Variants in PCDHGA3 observed in about 807,000 individuals in gnomAD.
PCDHGA3 encodes protocadherin gamma subfamily A, 3.
Under a neutral mutation model 58.5 loss-of-function variants are expected in PCDHGA3, and 40 were observed. The ratio of observed to expected loss-of-function variants is 0.68; its 90% CI spans 0.53 to 0.89. The LOEUF (loss-of-function observed/expected upper bound fraction) is 0.89. Ranked by LOEUF, PCDHGA3 falls within the 40% of genes least tolerant of loss-of-function variation. The pLI, the probability that PCDHGA3 is intolerant of heterozygous loss-of-function variation, is 0.00. For synonymous variants in PCDHGA3, 530 were observed against 525.7 expected, an observed-to-expected ratio of 1.01 and a Z score of -0.11; for missense variants, 1,223 against 1,195.9, an observed-to-expected ratio of 1.02 and a Z score of -0.33.
chr5:141,409,018 G>T lies in PCDHGA3; in HGVS notation c.2424+62561G>T, dbSNP rs369210340. The T allele has an allele frequency of 4.0e-5, 64 of 1,613,814 alleles. No individual in the cohort carries two copies. The Admixed American group carries it at 1.1e-3, about 27-fold the overall frequency. ...TGACAGCCACTGACCAGGATGAGGG[G>T]GTCAATGCTGAGATAAACTACTACT... On this transcript the variant is annotated intron_variant, in intron 1 of 3. Transcript: ENST00000253812.
chr5:141,369,151 T>C (rs1013865524), intron 1 of PCDHGA3, among the ~76,000 whole-genome samples: 6 of 152,206 alleles, frequency 3.9e-5, no homozygotes, highest in African/African-American at 1.4e-4. Context: ...GGCATGTTAT[T>C]GACCAGGGAA....
intron 1 of PCDHGA3, chr5:141,403,870 T>A: frequency 6.2e-7 from 1 of 1,613,498 alleles, no homozygotes; most frequent in African/African-American, 1.3e-5. Flanking sequence ...CAGCAAAAAG[T>A]CTAGATTATG....
intron 3 of PCDHGA3, among the ~76,000 whole-genome samples, chr5:141,509,045 GC>G (rs1165443091): frequency 6.6e-6 from 1 of 152,060 alleles, no homozygotes; most frequent in Non-Finnish European, 1.5e-5. Context: ...CCTCTCCCCC[GC>G]CCCCAGAAAG....
Position 141,476,160 on chromosome 5 carries a change from G to A in PCDHGA3, c.2425-18647G>A, listed in dbSNP as rs781765205. 4.3e-6 allele frequency: 7 copies of A among 1,612,858 alleles called. No homozygotes were observed. The highest frequency in any genetic ancestry group is 5.9e-6 in the Non-Finnish European group (7 of 1,179,926). On this transcript the variant is annotated intron_variant, in intron 1 of 3. Coordinates refer to ENST00000253812, the MANE Select transcript of PCDHGA3 (RefSeq NM_018916.4). This position sits in a 1 kb window ranked among gnomAD's most constrained non-coding sequence, Gnocchi z 7.6. ...AGGAGCGGACTGGTAAGCACCGGGA[G>A]GGTAGTGGGAGTTTTGCTTCTGCTT...
rs565801457 is a variant in PCDHGA3, at chr5:141,344,751, C to T, written c.718C>T (p.Pro240Ser). The T allele has an allele frequency of 1.2e-5, 19 of 1,613,902 alleles. No homozygotes were observed. The highest frequency in any genetic ancestry group is 1.6e-4 in the Middle Eastern group (1 of 6,084). ...VIVLDANDNP[P>S]MFTQPEYRVS... ...AGTCCTGGATGCAAATGACAACCCA[C>T]CAATGTTTACTCAGCCTGAGTACCG... The change falls in exon 1 of 4, where the codon CCA becomes TCA. Residue 240 changes from proline (P) to serine (S), a missense_variant. By Grantham distance (74) the Pro-to-Ser change is moderately conservative. Transcript: ENST00000253812.
rs61612330 is a variant in PCDHGA3, at chr5:141,454,796, A to ATTTTTTTTTTTTTTTTT, written c.2425-39998_2425-39982dup. Among the ~76,000 whole-genome samples the ATTTTTTTTTTTTTTTTT allele has an allele frequency of 1.9e-3, 147 of 77,454 alleles. 11 individuals carry two copies. Among genetic ancestry groups the ATTTTTTTTTTTTTTTTT allele is most frequent in the Middle Eastern group, 0.017 (2 of 120 alleles). 50.8% of individuals were successfully genotyped at this position (77,454 alleles called of 152,430 possible). ...AAGGAAATAATCCTCCATGGTTCTA[A>ATTTTTTTTTTTTTTTTT]TTTTTTTTTTTTTTTTTTTTTTTTT... On this transcript the variant is annotated intron_variant, in intron 1 of 3. Coordinates refer to ENST00000253812, the MANE Select transcript of PCDHGA3 (RefSeq NM_018916.4).
intron 1 of PCDHGA3, chr5:141,415,641 TAAA>T: frequency 7.8e-7 from 1 of 1,280,840 alleles, no homozygotes; most frequent in African/African-American, 1.5e-5. Context: ...TTACTTTTGT[TAAA>T]AAAAAAAAGA....
At chr5:141,404,580 G>C (rs769739876) in intron 1 of PCDHGA3, 2 of 1,613,866 alleles carry the variant, frequency 1.2e-6, no homozygotes, top group Non-Finnish European at 1.7e-6. Context: ...CCACCACTTA[G>C]CAGCAATGTG....
rs1055042563 is a variant in PCDHGA3, at chr5:141,512,805, C to G, written c.*1632C>G. On this transcript the variant is annotated 3_prime_UTR_variant, in exon 4 of 4. Coordinates refer to ENST00000253812, the MANE Select transcript of PCDHGA3 (RefSeq NM_018916.4). ...TGTTGTGTTTTGTGCTGTGTCCACG[C>G]GCTAAGGCGACCCCCTCCCCCGTAC... 3.0e-4 allele frequency: 46 copies of G among 152,378 alleles called. No individual in the cohort carries two copies. Among genetic ancestry groups the G allele is most frequent in the African/African-American group, 9.9e-4 (41 of 41,570 alleles). The allele number at this position is 152,378 out of a possible 1,614,324, so 9.4% of individuals were successfully genotyped here.
intron 1 of PCDHGA3, chr5:141,352,163 C>G (rs1758931128): frequency 6.2e-7 from 1 of 1,613,248 alleles, no homozygotes; most frequent in Non-Finnish European, 8.5e-7. Context: ...GGACGCGGCC[C>G]GCCAGCGCCT....
intron 1 of PCDHGA3, chr5:141,392,784 A>G: frequency 6.5e-7 from 1 of 1,546,632 alleles, no homozygotes. Context: ...CACAGTGAAG[A>G]TTCTGAGAGG....
intron 1 of PCDHGA3, among the ~76,000 whole-genome samples, chr5:141,401,496 C>T (rs909382274): frequency 6.6e-6 from 1 of 152,190 alleles, no homozygotes; most frequent in African/African-American, 2.4e-5. Context: ...GATGCAAAAT[C>T]CTTTTCCACC....
At chr5:141,364,583 G>A in intron 1 of PCDHGA3, 2 of 1,614,216 alleles carry the variant, frequency 1.2e-6, no homozygotes. Context: ...CGGCAGCTTG[G>A]TCACCGCGGG....
intron 1 of PCDHGA3, among the ~76,000 whole-genome samples, chr5:141,474,280 C>A (rs1490512371): frequency 6.6e-6 from 1 of 152,136 alleles, no homozygotes; most frequent in African/African-American, 2.4e-5. Context: ...CTCTGAATAA[C>A]CCACTAGATC....
chr5:141,370,314 T>A, intron 1 of PCDHGA3: 4 of 1,280,798 alleles, frequency 3.1e-6, no homozygotes, highest in Non-Finnish European at 4.3e-6. Context: ...AGCAAATAGT[T>A]GGTCCTGCTC....
intron 1 of PCDHGA3, among the ~76,000 whole-genome samples, chr5:141,459,880 C>G (rs1240703946): frequency 6.6e-6 from 1 of 152,134 alleles, no homozygotes; most frequent in Non-Finnish European, 1.5e-5. Context: ...TTTAACTGAG[C>G]TGAACGCCTT....
intron 1 of PCDHGA3, chr5:141,352,565 G>C (rs1190505525): frequency 6.2e-7 from 1 of 1,613,802 alleles, no homozygotes; most frequent in African/African-American, 1.3e-5. Flanking sequence ...CCTGACACCG[G>C]AAATGGCTCC....
intron 1 of PCDHGA3, among the ~76,000 whole-genome samples, chr5:141,433,697 CGTG>C (rs1176871032): frequency 6.6e-6 from 1 of 152,020 alleles, no homozygotes; most frequent in Non-Finnish European, 1.5e-5. Context: ...ATTAGCCGGG[CGTG>C]GTGGTGCATG....
rs2097542578 is a variant in PCDHGA3 at position 141,432,849 on chromosome 5, T to C, written c.2425-61958T>C. On this transcript the variant is annotated intron_variant, in intron 1 of 3. Coordinates refer to ENST00000253812, the MANE Select transcript of PCDHGA3 (RefSeq NM_018916.4). The surrounding 1 kb of genome is among the most constrained non-coding windows in gnomAD (Gnocchi z 6.0). ...CTCACTCTGTACCTGGTGGTAGCGG[T>C]GGCCGCGGTCTCCTGCGTCTTCCTG... 2 of 1,614,076 alleles carry C rather than the reference T, an allele frequency of 1.2e-6. No individual in the cohort carries two copies. Among genetic ancestry groups the C allele is most frequent in the South Asian group, 1.1e-5 (1 of 91,096 alleles).
Sources: allele counts gnomAD v4.1 joint callset (sites outside exome capture counted in the v4.1 genomes callset), GRCh38; gene constraint gnomAD v4.1.1; non-coding constraint Gnocchi (gnomAD v3.1); transcripts MANE v1.5; gene names NCBI Gene and HGNC (gene_info 2026-07-23, HGNC 2026-07-21).